The following POR variants were observed in gnomAD, a reference collection of about 807,000 sequenced individuals.
POR encodes the protein NADPH--cytochrome P450 reductase.
A neutral mutation model predicts 84.0 loss-of-function variants in POR; 56 were observed. The ratio of observed to expected loss-of-function variants is 0.67; its 90% CI spans 0.54 to 0.83. The LOEUF is 0.83. Among genes scored for constraint, POR ranks in the 40% least tolerant of loss-of-function variants. POR has a pLI of 0.00. For synonymous variants in POR, 414 were observed against 400.5 expected, an observed-to-expected ratio of 1.03 and a Z score of -0.40; for missense variants, 938 against 944.3, an observed-to-expected ratio of 0.99 and a Z score of 0.09.
intron 1 of POR, among the ~76,000 whole-genome samples, chr7:75,941,780 C>A (rs935806706): frequency 6.6e-6 from 1 of 152,012 alleles, no homozygotes; most frequent in East Asian, 1.9e-4. Flanking sequence ...GTGTTTGAGA[C>A]CAGCCTGGGC....
intron 1 of POR, among the ~76,000 whole-genome samples, chr7:75,939,429 C>T (rs1229455612): frequency 2.0e-5 from 3 of 151,588 alleles, no homozygotes; most frequent in African/African-American, 7.3e-5. Flanking sequence ...GCAAGGCTTT[C>T]GGAGTACATC....
Position 75,954,116 on chromosome 7 carries a change from A to G in POR, c.124A>G (p.Thr42Ala), listed in dbSNP as rs1787574873. 6.2e-7 allele frequency: 1 copy of G among 1,613,500 alleles called. No homozygotes were observed. The highest frequency in any genetic ancestry group is 8.5e-7 in the Non-Finnish European group (1 of 1,179,668). ...GTTTTCGCTCATCGTGGGTCTCCTAACCTACTGGTTCCTCTTCAGAAAGAA... is the reference window on the plus strand; with the variant it reads ...GTTTTCGCTCATCGTGGGTCTCCTAGCCTACTGGTTCCTCTTCAGAAAGAA... Residue 42 changes from threonine to alanine, a missense_variant, in exon 2 of 16, where the codon ACC (threonine) becomes GCC (alanine). Coordinates refer to ENST00000461988, the MANE Select transcript of POR (RefSeq NM_000941.3).
At chr7:75,915,918 G>C (rs1338499818) in intron 1 of POR, among the ~76,000 whole-genome samples, 1 of 152,176 alleles carries the variant, frequency 6.6e-6, no homozygotes, top group African/African-American at 2.4e-5. Flanking sequence ...TTTTCAAAAC[G>C]AGTTACCCTT....
rs4732515 is a variant in POR, at chr7:75,984,711, T to C, written c.1067-66T>C. ...GCTGGCCCAAGGTGTCACCCCCTCC[T>C]GCCGCAGCCACCCATCCCCAGGAGG... On this transcript the variant is annotated intron_variant, in intron 10 of 15. Coordinates refer to ENST00000461988, the MANE Select transcript of POR (RefSeq NM_000941.3). 0.93 allele frequency: 1,354,622 copies of C among 1,452,804 alleles called. 636,742 individuals carry two copies. Among genetic ancestry groups the C allele is most frequent in the Non-Finnish European group, 0.96 (994,305 of 1,034,600 alleles). The allele number at this position is 1,452,804 out of a possible 1,614,324, so 90.0% of individuals were successfully genotyped here. A position where few individuals can be genotyped will look rare whatever the true frequency, so the allele number is the denominator to read the frequency against.
rs1014942747 is a variant in POR, at chr7:75,980,957, A to C, written c.517-91A>C. The C allele has an allele frequency of 1.5e-5, 22 of 1,420,644 alleles. No individual in the cohort carries two copies. The African/African-American group carries it at 3.2e-4, about 20-fold the overall frequency. The allele number at this position is 1,420,644 out of a possible 1,614,324, so 88.0% of individuals were successfully genotyped here. A position where few individuals can be genotyped will look rare whatever the true frequency, so the allele number is the denominator to read the frequency against. On this transcript the variant is annotated intron_variant, in intron 5 of 15. Coordinates refer to ENST00000461988, the MANE Select transcript of POR (RefSeq NM_000941.3). The stretch of plus-strand genomic sequence containing the variant: ...TGCAGGTGTTGCCAGCAGCTCAGCC[A>C]GTGCTGTGGGGCCTCCCGCCCTGCC...
intron 1 of POR, among the ~76,000 whole-genome samples, chr7:75,942,511 G>T (rs905482229): frequency 1.3e-5 from 2 of 149,914 alleles, no homozygotes; most frequent in Admixed American, 6.6e-5. Flanking sequence ...TTATTGCATT[G>T]CAGATCAGCC....
At chr7:75,982,881 G>C (rs181746805) in intron 8 of POR, among the ~76,000 whole-genome samples, 1 of 152,324 alleles carries the variant, frequency 6.6e-6, no homozygotes, top group East Asian at 1.9e-4. Context: ...AGTCCAGGAC[G>C]TGTGGGGGTG....
At position 75,983,635 on chromosome 7, in the gene POR, A is replaced by T. The variant is rs538316500; in HGVS notation, c.946A>T (p.Arg316Trp). 7 of 1,612,372 alleles carry T rather than the reference A, an allele frequency of 4.3e-6. No individual in the cohort carries two copies. The East Asian group carries it at 1.6e-4, about 36-fold the overall frequency. The stretch of plus-strand genomic sequence containing the variant: ...ATTGGACATCTCGGACTCCAAAATC[A>T]GGTACCAGCTGCCACTGTCACCCCC... The change falls in exon 9 of 16, where the codon AGG becomes TGG. Residue 316 changes from arginine to tryptophan, a missense_variant and splice_region_variant. Coordinates refer to ENST00000461988, the MANE Select transcript of POR (RefSeq NM_000941.3).
At chr7:75,919,732 A>T (rs538802897) in intron 1 of POR, among the ~76,000 whole-genome samples, 123 of 152,100 alleles carry the variant, frequency 8.1e-4, no homozygotes, top group Non-Finnish European at 1.2e-4. Flanking sequence ...GTGGCAACTC[A>T]GTTGATGCTT....
chr7:75,925,801 G>C (rs186944673), intron 1 of POR, among the ~76,000 whole-genome samples: 1 of 152,152 alleles, frequency 6.6e-6, no homozygotes, highest in African/African-American at 2.4e-5. Flanking sequence ...AGGCTGAGAG[G>C]TTCAGGCTCG....
In POR at chr7:75,986,011, C is replaced by G. The variant is rs1554559302; in HGVS notation, c.1758C>G (p.His586Gln). 6.4e-7 allele frequency: 1 copy of G among 1,567,202 alleles called. No individual in the cohort carries two copies. Among genetic ancestry groups the G allele is most frequent in the East Asian group, 2.4e-5 (1 of 42,132 alleles). The change falls in exon 14 of 16, where the codon CAC becomes CAG. Residue 586 changes from histidine (H) to glutamine (Q), a missense_variant. Physicochemically the swap from His to Gln is conservative, Grantham distance 24. Transcript: ENST00000461988. ...ACCGGGAGGAGCTGGCGCAGTTCCACAGGGACGGTGCGCTCACCCAGCTCA... is the reference window on the plus strand; with the variant it reads ...ACCGGGAGGAGCTGGCGCAGTTCCAGAGGGACGGTGCGCTCACCCAGCTCA...
intron 2 of POR, among the ~76,000 whole-genome samples, chr7:75,965,182 G>A (rs1338562678): frequency 6.6e-6 from 1 of 152,230 alleles, no homozygotes; most frequent in East Asian, 1.9e-4. Flanking sequence ...AGATGGGCCA[G>A]GAGGCTGCTG....
intron 4 of POR, 23 bp downstream of exon 4, chr7:75,979,602 C>T: frequency 6.2e-7 from 1 of 1,611,426 alleles, no homozygotes; most frequent in Non-Finnish European, 8.5e-7. Context: ...CGCGTGCTGG[C>T]CCCAGATGGA....
intron 3 of POR, among the ~76,000 whole-genome samples, chr7:75,975,609 C>T (rs1327446102): frequency 6.6e-6 from 1 of 152,100 alleles, no homozygotes; most frequent in Admixed American, 6.6e-5. Context: ...ACCTGGGCAA[C>T]AGCTACACCC....
chr7:75,966,038 C>T (rs184966817), intron 2 of POR, among the ~76,000 whole-genome samples: 19 of 152,272 alleles, frequency 1.2e-4, no homozygotes, highest in African/African-American at 4.3e-4. Flanking sequence ...GTTGAATTAC[C>T]GCTTCACCCA....
At chr7:75,960,910 A>T (rs1293562212) in intron 2 of POR, among the ~76,000 whole-genome samples, 4 of 152,080 alleles carry the variant, frequency 2.6e-5, no homozygotes, top group African/African-American at 9.7e-5. Context: ...ATTTTTTTAA[A>T]AAATATTTTA....
intron 2 of POR, among the ~76,000 whole-genome samples, chr7:75,966,588 G>C (rs1397239057): frequency 1.3e-5 from 2 of 152,170 alleles, no homozygotes; most frequent in African/African-American, 4.8e-5. Flanking sequence ...AAAGGGAGCT[G>C]GTCCAAAGCA....
At position 75,972,414 on chromosome 7, in the gene POR, ACCT is replaced by A. The variant is rs1554556305; in HGVS notation, c.195_197del (p.Ser66del). The A allele has an allele frequency of 6.2e-7, 1 of 1,610,008 alleles. No homozygotes were observed. On this transcript the variant is annotated inframe_deletion and splice_region_variant, in exon 3 of 16. Coordinates refer to ENST00000461988, the MANE Select transcript of POR (RefSeq NM_000941.3). ...TCATTGCACACTTTTGTCTTGCAGGACCTCCTCTGTCAGAGAGAGCAGCTTTGT... is the reference window on the plus strand; with the variant it reads ...TCATTGCACACTTTTGTCTTGCAGGACCTCTGTCAGAGAGAGCAGCTTTGT...
intron 1 of POR, among the ~76,000 whole-genome samples, chr7:75,917,383 CTTTTT>C (rs373478392): frequency 8.7e-6 from 1 of 115,262 alleles, no homozygotes; most frequent in East Asian, 2.2e-4. Context: ...ATTTCTTCTT[CTTTTT>C]TTTTTTTTTT....
Sources: gnomAD v4.1 joint callset for allele counts (sites outside exome capture counted in the v4.1 genomes callset) on GRCh38, gnomAD v4.1.1 for gene constraint, MANE v1.5 for transcripts, NCBI Gene and HGNC (gene_info 2026-07-23, HGNC 2026-07-21) for gene names.